Variants in RAPGEF4 observed in about 807,000 individuals in gnomAD.
RAPGEF4 encodes RAP guanine-nucleotide-exchange factor (GEF) 4.
A neutral mutation model predicts 147.9 loss-of-function variants in RAPGEF4; 66 were observed. The observed-to-expected ratio is 0.45, with a 90% CI of 0.37 to 0.55. The LOEUF is 0.55. Among genes scored for constraint, RAPGEF4 ranks in the 20% least tolerant of loss-of-function variants. The probability of loss-of-function intolerance (pLI) is 0.00; values close to 1 mark genes in which losing one functional copy is unlikely to be tolerated. For synonymous variants in RAPGEF4, 419 were observed against 442.7 expected, an observed-to-expected ratio of 0.95 and a Z score of 0.67; for missense variants, 1,071 against 1,257.3, an observed-to-expected ratio of 0.85 and a Z score of 2.24.
chr2:172,985,034 T>C (rs1439308130), intron 11 of RAPGEF4, among the ~76,000 whole-genome samples: 1 of 152,228 alleles, frequency 6.6e-6, no homozygotes, highest in East Asian at 1.9e-4. Flanking sequence ...TTTTCCAACA[T>C]GTTTGCCATG....
intron 6 of RAPGEF4, among the ~76,000 whole-genome samples, chr2:172,944,418 C>T (rs1442053529): frequency 6.6e-6 from 1 of 152,156 alleles, no homozygotes; most frequent in East Asian, 1.9e-4. Flanking sequence ...GGCAAGAAAA[C>T]AGGTAAGCAG....
At chr2:172,875,098 G>A (rs1344330421) in intron 4 of RAPGEF4, among the ~76,000 whole-genome samples, 1 of 151,930 alleles carries the variant, frequency 6.6e-6, no homozygotes, top group East Asian at 1.9e-4. Flanking sequence ...GGGGTTGTTT[G>A]TTTTTTTCTT....
intron 4 of RAPGEF4, among the ~76,000 whole-genome samples, chr2:172,882,901 A>G (rs1418457132): frequency 6.6e-6 from 1 of 152,192 alleles, no homozygotes; most frequent in East Asian, 1.9e-4. Context: ...TACTTGAAGC[A>G]TCAGACTGTT....
At chr2:172,875,885 T>G (rs1441501681) in intron 4 of RAPGEF4, among the ~76,000 whole-genome samples, 1 of 152,226 alleles carries the variant, frequency 6.6e-6, no homozygotes, top group Non-Finnish European at 1.5e-5. Flanking sequence ...GAGCATGGAA[T>G]GTTCTTCCAT....
chr2:172,935,600 C>A (rs1180572793), intron 6 of RAPGEF4, among the ~76,000 whole-genome samples: 2 of 152,168 alleles, frequency 1.3e-5, no homozygotes, highest in Admixed American at 1.3e-4. Flanking sequence ...AGTCTTCATG[C>A]CTTGTTTATG....
At chr2:172,965,462 T>A in intron 8 of RAPGEF4, 100 bp from the exon 9 acceptor site, 1 of 1,340,226 alleles carries the variant, frequency 7.5e-7, no homozygotes. Context: ...TGGTAGGAGA[T>A]CATTAAGCCC....
At chr2:173,049,343 G>A (rs1473494111) in intron 30 of RAPGEF4, among the ~76,000 whole-genome samples, 1 of 152,164 alleles carries the variant, frequency 6.6e-6, no homozygotes. Flanking sequence ...TCTGGGCTGG[G>A]ACTTTGGTGG....
intron 25 of RAPGEF4, among the ~76,000 whole-genome samples, chr2:173,028,712 G>A (rs1696895912): frequency 6.6e-6 from 1 of 152,096 alleles, no homozygotes; most frequent in Non-Finnish European, 1.5e-5. Flanking sequence ...TATTTACACA[G>A]CCCAGCTGAA....
intron 10 of RAPGEF4, among the ~76,000 whole-genome samples, chr2:172,973,699 A>G (rs1281499067): frequency 6.6e-6 from 1 of 152,120 alleles, no homozygotes; most frequent in Non-Finnish European, 1.5e-5. Context: ...TTTTAGAGAG[A>G]GGTGTGGTGT....
chr2:172,872,070 G>T (rs1463958005), intron 4 of RAPGEF4, among the ~76,000 whole-genome samples: 2 of 152,116 alleles, frequency 1.3e-5, no homozygotes, highest in African/African-American at 4.8e-5. Context: ...GAGAAAACTG[G>T]ATAAATGAAA....
intron 1 of RAPGEF4, among the ~76,000 whole-genome samples, chr2:172,794,119 T>A (rs907013441): frequency 8.6e-5 from 13 of 152,040 alleles, no homozygotes; most frequent in African/African-American, 3.1e-4. Context: ...AAAGTGAGCC[T>A]ATAATCCCAG....
intron 4 of RAPGEF4, among the ~76,000 whole-genome samples, chr2:172,842,835 G>T (rs1691765946): frequency 6.6e-6 from 1 of 152,244 alleles, no homozygotes; most frequent in Admixed American, 6.5e-5. Flanking sequence ...CACACTGTAG[G>T]ATGAGCATGT....
intron 24 of RAPGEF4, 136 bp from the exon 25 acceptor site, chr2:173,026,945 A>C (rs1696720334): frequency 1.2e-6 from 1 of 864,202 alleles, no homozygotes; most frequent in African/African-American, 1.7e-5. Flanking sequence ...ATATTTAACA[A>C]ACCTCATGGA....
At chr2:172,744,566 G>A in intron 1 of RAPGEF4, 1 of 298,716 alleles carries the variant, frequency 3.3e-6, no homozygotes, top group Non-Finnish European at 6.7e-6. Flanking sequence ...AAGTTATTTG[G>A]TTCTAGTAGT....
At chr2:172,961,270 A>G (rs781065770) in intron 8 of RAPGEF4, 42 bp downstream of exon 8, 2 of 1,438,862 alleles carry the variant, frequency 1.4e-6, no homozygotes, top group Admixed American at 1.8e-5. Context: ...GCTCATATTC[A>G]TGTTTAGTGA....
chr2:172,791,897 T>C (rs1256772066), intron 1 of RAPGEF4, among the ~76,000 whole-genome samples: 1 of 152,236 alleles, frequency 6.6e-6, no homozygotes, highest in Non-Finnish European at 1.5e-5. Flanking sequence ...ATGTGGGAGA[T>C]GCTCTGGTGA....
chr2:172,755,797 A>G (rs1695716016), intron 1 of RAPGEF4, among the ~76,000 whole-genome samples: 1 of 152,248 alleles, frequency 6.6e-6, no homozygotes, highest in African/African-American at 2.4e-5. Flanking sequence ...TAACTCTTAC[A>G]TAACCATACT....
intron 27 of RAPGEF4, among the ~76,000 whole-genome samples, chr2:173,035,455 G>A (rs1320103212): frequency 6.6e-6 from 1 of 151,090 alleles, no homozygotes; most frequent in Non-Finnish European, 1.5e-5. Context: ...AGCTTGCAGT[G>A]AGCGGAGATC....
intron 17 of RAPGEF4, 60 bp downstream of exon 17, chr2:173,001,404 G>A: frequency 1.2e-6 from 2 of 1,604,716 alleles, no homozygotes; most frequent in Admixed American, 3.3e-5. Context: ...CCCTATCGAG[G>A]GCCATTCTTA....
Sources: gnomAD v4.1 joint callset for allele counts (sites outside exome capture counted in the v4.1 genomes callset) on GRCh38, gnomAD v4.1.1 for gene constraint, MANE v1.5 for transcripts, NCBI Gene and HGNC (gene_info 2026-07-23, HGNC 2026-07-21) for gene names.